Variants in AOAH observed in about 807,000 individuals in gnomAD.
AOAH encodes the protein acyloxyacyl hydrolase, also known as acyloxyacyl hydrolase (neutrophil).
A neutral mutation model predicts 92.2 loss-of-function variants in AOAH; 64 were observed. That is an observed-to-expected ratio of 0.69 (90% CI 0.57 to 0.86). AOAH has a LOEUF of 0.86. AOAH is among the 40% of genes least tolerant of loss of function. AOAH has a pLI of 0.00. For missense variants in AOAH, 656 were observed against 694.6 expected, an observed-to-expected ratio of 0.94 and a Z score of 0.62; for synonymous variants, 263 against 254.5, an observed-to-expected ratio of 1.03 and a Z score of -0.32.
intron 1 of AOAH, among the ~76,000 whole-genome samples, chr7:36,691,592 C>T (rs1450415741): frequency 6.6e-6 from 1 of 152,116 alleles, no homozygotes; most frequent in Non-Finnish European, 1.5e-5. Context: ...ATTGGGAGGT[C>T]AGAGAGACCT....
At chr7:36,515,356 CCACACACACACCA>C (rs1783567773) in intron 20 of AOAH, among the ~76,000 whole-genome samples, 6 of 121,118 alleles carry the variant, frequency 5.0e-5, no homozygotes, top group Non-Finnish European at 8.7e-5. Flanking sequence ...TCACACACCC[CCACACACACACCA>C]CACACACCAC....
rs141284355 is a variant in AOAH at position 36,516,309 on chromosome 7, CCACA to C, written c.1600-2933_1600-2930del. On this transcript the variant is annotated intron_variant, in intron 20 of 20. Transcript: ENST00000617537. The surrounding 1 kb of genome is among the most constrained non-coding windows in gnomAD (Gnocchi z 5.0). ...ATACACACACCCCCCCACACAGATA[CCACA>C]CACACACACACAGAAAGCACACAGA... Among the ~76,000 whole-genome samples, 763 of 134,520 alleles carry C rather than the reference CCACA, an allele frequency of 5.7e-3. 4 individuals carry two copies. Among genetic ancestry groups the C allele is most frequent in the Non-Finnish European group, 9.0e-3 (564 of 62,600 alleles). 88.3% of individuals were successfully genotyped at this position (134,520 alleles called of 152,430 possible).
rs552503542 is a variant in AOAH at position 36,634,768 on chromosome 7, C to CA, written c.451-2663dup. On this transcript the variant is annotated intron_variant, in intron 5 of 20. Transcript: ENST00000617537. The stretch of plus-strand genomic sequence containing the variant: ...GAAGGCCTTGGTCTAATTCTCCTAA[C>CA]AACAGTCTAGATTTTAACACTGGTA... Among the ~76,000 whole-genome samples the CA allele has an allele frequency of 5.9e-5, 9 of 152,320 alleles. No individual in the cohort carries two copies. The South Asian group carries it at 1.9e-3, about 32-fold the overall frequency.
chr7:36,515,911 C>G (rs1411568326), intron 20 of AOAH, among the ~76,000 whole-genome samples: 1 of 148,016 alleles, frequency 6.8e-6, no homozygotes, highest in Non-Finnish European at 1.5e-5. Flanking sequence ...CTCACAACCC[C>G]ACACCACACA....
chr7:36,532,381 C>A, intron 16 of AOAH, 37 bp from the exon 17 acceptor site: 1 of 1,605,098 alleles, frequency 6.2e-7, no homozygotes, highest in Non-Finnish European at 8.5e-7. Flanking sequence ...TGCATCCACT[C>A]GGCAATAGCA....
chr7:36,548,474 C>G (rs1785951935), intron 15 of AOAH, 138 bp downstream of exon 15: 2 of 668,500 alleles, frequency 3.0e-6, no homozygotes, highest in Non-Finnish European at 5.1e-6. Flanking sequence ...GTGTGAGCCC[C>G]TGTGCCCGGC....
intron 1 of AOAH, among the ~76,000 whole-genome samples, chr7:36,702,403 C>T (rs1798083879): frequency 6.6e-6 from 1 of 152,092 alleles, no homozygotes; most frequent in Admixed American, 6.6e-5. Context: ...GTTTATTTCA[C>T]TTTCATTTCT....
intron 13 of AOAH, among the ~76,000 whole-genome samples, chr7:36,558,595 C>A (rs1181384134): frequency 7.9e-5 from 12 of 152,224 alleles, no homozygotes; most frequent in African/African-American, 2.4e-4. Context: ...CTACAGAGGC[C>A]AGCAGGCCTC....
At chr7:36,718,811 A>T (rs1213639593) in intron 1 of AOAH, among the ~76,000 whole-genome samples, 1 of 152,164 alleles carries the variant, frequency 6.6e-6, no homozygotes, top group African/African-American at 2.4e-5. Flanking sequence ...GTAAATGCTA[A>T]GAGAATTGGA....
intron 15 of AOAH, among the ~76,000 whole-genome samples, chr7:36,542,280 G>T (rs142594392): frequency 6.8e-4 from 103 of 152,312 alleles, no homozygotes; most frequent in African/African-American, 2.5e-3. Flanking sequence ...ATTTTTCCCT[G>T]GAGCTTTCAG....
intron 11 of AOAH, chr7:36,597,976 T>C (rs1790258314): frequency 7.8e-6 from 1 of 128,420 alleles, no homozygotes; most frequent in African/African-American, 3.3e-5. Flanking sequence ...CAACCCTCAT[T>C]CTCGGTCAGG....
At chr7:36,671,506 T>C (rs1185624950) in intron 3 of AOAH, among the ~76,000 whole-genome samples, 1 of 152,186 alleles carries the variant, frequency 6.6e-6, no homozygotes, top group Non-Finnish European at 1.5e-5. Context: ...ACAGCTGTGG[T>C]AAATGCCATG....
chr7:36,586,749 A>G (rs1318504734), intron 12 of AOAH, among the ~76,000 whole-genome samples: 3 of 152,242 alleles, frequency 2.0e-5, no homozygotes, highest in Non-Finnish European at 4.4e-5. Context: ...TGGGAAATTT[A>G]AATGTACATT....
chr7:36,658,314 A>G (rs1385169044), intron 4 of AOAH, among the ~76,000 whole-genome samples: 1 of 152,232 alleles, frequency 6.6e-6, no homozygotes, highest in African/African-American at 2.4e-5. Context: ...ATGAATAAAA[A>G]GGAAATTACA....
intron 16 of AOAH, among the ~76,000 whole-genome samples, chr7:36,532,756 C>T (rs895513289): frequency 6.6e-6 from 1 of 152,208 alleles, no homozygotes; most frequent in African/African-American, 2.4e-5. Context: ...AGGGAACATT[C>T]GAGGTGGCGG....
chr7:36,559,141 C>T (rs922278216), intron 13 of AOAH, among the ~76,000 whole-genome samples: 1 of 152,220 alleles, frequency 6.6e-6, no homozygotes. Flanking sequence ...TTTCTTTATT[C>T]AATCCACTGT....
At chr7:36,623,377 A>C in intron 6 of AOAH, 127 bp from the exon 7 acceptor site, 1 of 775,194 alleles carries the variant, frequency 1.3e-6, no homozygotes, top group Non-Finnish European at 2.1e-6. Flanking sequence ...CATTCTAAAC[A>C]GAAAATTAAG....
intron 15 of AOAH, among the ~76,000 whole-genome samples, chr7:36,543,051 C>A (rs1457636021): frequency 6.6e-6 from 1 of 152,136 alleles, no homozygotes; most frequent in East Asian, 1.9e-4. Context: ...TAAACTATGT[C>A]ATGGATCGCT....
At chr7:36,534,713 G>A (rs549464088) in intron 16 of AOAH, among the ~76,000 whole-genome samples, 1 of 152,228 alleles carries the variant, frequency 6.6e-6, no homozygotes, top group Non-Finnish European at 1.5e-5. Flanking sequence ...CATGAAGAGA[G>A]GTTGTGTCTG....
Sources: gnomAD v4.1 joint callset for allele counts (sites outside exome capture counted in the v4.1 genomes callset) on GRCh38, gnomAD v4.1.1 for gene constraint, Gnocchi (gnomAD v3.1) non-coding constraint, MANE v1.5 for transcripts, NCBI Gene and HGNC (gene_info 2026-07-23, HGNC 2026-07-21) for gene names.